The following CD59 variants were observed in gnomAD, a reference collection of about 807,000 sequenced individuals.
CD59 encodes CD59 glycoprotein.
A neutral mutation model predicts 7.0 loss-of-function variants in CD59; 3 were observed. The observed-to-expected ratio is 0.43, with a 90% confidence interval of 0.19 to 1.10. The LOEUF (loss-of-function observed/expected upper bound fraction) is 1.10. CD59 is among the 50% of genes least tolerant of loss of function. The pLI is 0.29. For missense variants in CD59, 143 were observed against 151.0 expected (o/e 0.95, Z 0.28); for synonymous variants, 60 against 62.0 (o/e 0.97, Z 0.15).
At chr11:33,735,914 A>G (rs1352573413) in intron 1 of CD59, among the ~76,000 whole-genome samples, 1 of 73,256 alleles carries the variant, frequency 1.4e-5, no homozygotes, top group Non-Finnish European at 2.8e-5. Context: ...ACTCCATCTC[A>G]AAAAAAAAAA....
At chr11:33,726,818 G>A (rs980617573) in intron 1 of CD59, among the ~76,000 whole-genome samples, 7 of 151,890 alleles carry the variant, frequency 4.6e-5, no homozygotes, top group African/African-American at 9.7e-5. Context: ...TCAAATAGAC[G>A]CAATAAAAAA....
At chr11:33,711,234 A>T (rs1853543513) in intron 3 of CD59, 1 of 574,800 alleles carries the variant, frequency 1.7e-6, no homozygotes, top group Admixed American at 3.2e-5. Context: ...TGGGAGGCTG[A>T]GATGGGAGAA....
intron 2 of CD59, 80 bp from the exon 3 acceptor site, chr11:33,717,551 G>T: frequency 1.2e-6 from 1 of 850,604 alleles, no homozygotes; most frequent in Non-Finnish European, 2.0e-6. Context: ...CATTAATATG[G>T]GCCCAAAGTC....
At position 33,703,842 on chromosome 11, in the gene CD59, C is replaced by T. The variant is rs1018201853; in HGVS notation, c.*6284G>A. On this transcript the variant is annotated 3_prime_UTR_variant, in exon 4 of 4. Coordinates refer to ENST00000642928, the MANE Select transcript of CD59 (RefSeq NM_000611.6). Reference sequence around the variant, plus strand: ...AAATGTGACATGAGGGTGGAGGTTCCTGTCCAGCATTCTTCACTCTCTATT... The same window carrying T: ...AAATGTGACATGAGGGTGGAGGTTCTTGTCCAGCATTCTTCACTCTCTATT... 5.3e-5 allele frequency: 8 copies of T among 152,346 alleles called. No homozygotes were observed. The highest frequency in any genetic ancestry group is 2.6e-4 in the Admixed American group (4 of 15,302). The allele number at this position is 152,346 out of a possible 1,614,324, so 9.4% of individuals were successfully genotyped here. A position where few individuals can be genotyped will look rare whatever the true frequency, so the allele number is the denominator to read the frequency against.
intron 1 of CD59, among the ~76,000 whole-genome samples, chr11:33,734,344 G>T (rs926788138): frequency 6.6e-6 from 1 of 152,268 alleles, no homozygotes; most frequent in African/African-American, 2.4e-5. Context: ...TAGGGTACAT[G>T]TGCAGGATGT....
At chr11:33,731,190 G>A (rs1385843108) in intron 1 of CD59, among the ~76,000 whole-genome samples, 1 of 152,006 alleles carries the variant, frequency 6.6e-6, no homozygotes, top group Non-Finnish European at 1.5e-5. Context: ...AACCGTGTAG[G>A]TGGTCAGTGT....
At position 33,709,761 on chromosome 11, in the gene CD59, A is replaced by C; in HGVS notation, c.*365T>G. The C allele has an allele frequency of 2.6e-6, 1 of 383,666 alleles. No homozygotes were observed. The highest frequency in any genetic ancestry group is 2.3e-5 in the South Asian group (1 of 43,140). The allele number at this position is 383,666 out of a possible 1,614,324, so 23.8% of individuals were successfully genotyped here. On this transcript the variant is annotated 3_prime_UTR_variant, in exon 4 of 4. Coordinates refer to ENST00000642928, the MANE Select transcript of CD59 (RefSeq NM_000611.6). ...CTCCTGCCCCACCCTCCAAAGATGTACTAATGATGCTAACTGACTACATCC... is the reference window on the plus strand; with the variant it reads ...CTCCTGCCCCACCCTCCAAAGATGTCCTAATGATGCTAACTGACTACATCC...
rs1378934013 is a variant in CD59 at position 33,704,342 on chromosome 11, A to T, written c.*5784T>A. On this transcript the variant is annotated 3_prime_UTR_variant, in exon 4 of 4. Coordinates refer to ENST00000642928, the MANE Select transcript of CD59 (RefSeq NM_000611.6). ...TGTATAAGCAGTGCCAGGGACAACT[A>T]GTAGGTGGTCATTGGAGTGTGGCTA... 2 of 152,208 alleles carry T rather than the reference A, an allele frequency of 1.3e-5. No individual in the cohort carries two copies. The highest frequency in any genetic ancestry group is 2.4e-5 in the African/African-American group (1 of 41,432). The allele number at this position is 152,208 out of a possible 1,614,324, so 9.4% of individuals were successfully genotyped here. A position where few individuals can be genotyped will look rare whatever the true frequency, so the allele number is the denominator to read the frequency against.
chr11:33,717,308 A>T, intron 3 of CD59, 62 bp downstream of exon 3: 2 of 1,058,756 alleles, frequency 1.9e-6, no homozygotes, highest in East Asian at 2.4e-5. Flanking sequence ...CAGTGGCACA[A>T]TTTTTTTCCC....
rs756373158 is a variant in CD59, at chr11:33,722,455, C to T, written c.-10G>A. 4 of 1,613,726 alleles carry T rather than the reference C, an allele frequency of 2.5e-6. No individual in the cohort carries two copies. In the African/African-American group the frequency reaches 5.3e-5, roughly 22 times the overall value. On this transcript the variant is annotated 5_prime_UTR_variant, in exon 2 of 4. Transcript: ENST00000642928. ...CTCCTTGGATTCCCATTGTGATTGT[C>T]CACAGAACCTGGAAGGAAGGGACAG...
At chr11:33,733,864 C>T (rs1268788676) in intron 1 of CD59, among the ~76,000 whole-genome samples, 1 of 152,180 alleles carries the variant, frequency 6.6e-6, no homozygotes, top group African/African-American at 2.4e-5. Context: ...TATGGTTACT[C>T]CTCCTAGGAG....
At chr11:33,718,248 C>T (rs1255124684) in intron 2 of CD59, 2 of 152,410 alleles carry the variant, frequency 1.3e-5, no homozygotes, top group African/African-American at 4.8e-5. Flanking sequence ...TTAGGGAAGC[C>T]GAGGAGGGTG....
At chr11:33,735,432 T>C (rs576890917) in intron 1 of CD59, among the ~76,000 whole-genome samples, 28 of 152,296 alleles carry the variant, frequency 1.8e-4, no homozygotes, top group Non-Finnish European at 3.1e-4. Flanking sequence ...TGTTTGTTCT[T>C]TGTGGGTTTT....
chr11:33,724,990 G>A (rs11032352), intron 1 of CD59, among the ~76,000 whole-genome samples: 4,031 of 152,164 alleles, frequency 0.026, 170 homozygotes, highest in African/African-American at 0.091. Flanking sequence ...GGGGGCGGAG[G>A]AGGGCGGGAG....
intron 3 of CD59, among the ~76,000 whole-genome samples, chr11:33,713,456 G>A (rs1052919974): frequency 2.0e-5 from 3 of 152,210 alleles, no homozygotes; most frequent in African/African-American, 7.2e-5. Flanking sequence ...CTCCTCCTCT[G>A]AGGGGATGGG....
At chr11:33,710,687 C>T (rs951993621) in intron 3 of CD59, among the ~76,000 whole-genome samples, 1 of 151,474 alleles carries the variant, frequency 6.6e-6, no homozygotes, top group African/African-American at 2.4e-5. Context: ...AGAATTTACG[C>T]TATGAAGTTA....
intron 2 of CD59, among the ~76,000 whole-genome samples, chr11:33,720,370 G>A (rs760449155): frequency 1.3e-5 from 2 of 152,092 alleles, no homozygotes; most frequent in Non-Finnish European, 2.9e-5. Flanking sequence ...GGGAAGAGAA[G>A]GAAACTCTAG....
Position 33,708,047 on chromosome 11 carries a change from G to C in CD59, c.*2079C>G, listed in dbSNP as rs955742113. On this transcript the variant is annotated 3_prime_UTR_variant, in exon 4 of 4. Coordinates refer to ENST00000642928, the MANE Select transcript of CD59 (RefSeq NM_000611.6). ...TAACCTAGGCTGACTCACTGCAGTT[G>C]GCACTAATTTTCTATTGCCACAGCC... 1.3e-5 allele frequency: 2 copies of C among 152,204 alleles called. No individual in the cohort carries two copies. The highest frequency in any genetic ancestry group is 2.9e-5 in the Non-Finnish European group (2 of 68,060). 9.4% of individuals were successfully genotyped at this position (152,204 alleles called of 1,614,324 possible).
At chr11:33,722,628 C>T (rs563292745) in intron 1 of CD59, 165 bp from the exon 2 acceptor site, 45 of 1,489,536 alleles carry the variant, frequency 3.0e-5, no homozygotes, top group Non-Finnish European at 3.9e-5. Context: ...ACCCACAGCA[C>T]CATATACCCT....
Sources: gnomAD v4.1 joint callset for allele counts (sites outside exome capture counted in the v4.1 genomes callset) on GRCh38, gnomAD v4.1.1 for gene constraint, MANE v1.5 for transcripts, NCBI Gene and HGNC (gene_info 2026-07-23, HGNC 2026-07-21) for gene names.